Variants in GSPT1 observed in about 807,000 individuals in gnomAD.
GSPT1 encodes eukaryotic peptide chain release factor GTP-binding subunit ERF3A.
In GSPT1, 20 loss-of-function variants were observed where a neutral mutation model predicts 72.5. The ratio of observed to expected loss-of-function variants is 0.28; its 90% confidence interval spans 0.19 to 0.40. The LOEUF (loss-of-function observed/expected upper bound fraction) is 0.40. Among genes scored for constraint, GSPT1 ranks in the 10% least tolerant of loss-of-function variants. The pLI is 1.00. For synonymous variants in GSPT1, 334 were observed against 293.5 expected, an observed-to-expected ratio of 1.14 and a Z score of -1.41; for missense variants, 580 against 811.9, an observed-to-expected ratio of 0.71 and a Z score of 3.47.
chr16:11,914,921 T>C (rs2054610663), intron 1 of GSPT1: 8 of 910,992 alleles, frequency 8.8e-6, no homozygotes, highest in Non-Finnish European at 1.2e-5. Flanking sequence ...CTCTCTCGGC[T>C]GGGCCTAAGG....
chr16:11,886,521 T>A lies in GSPT1; in HGVS notation c.1203A>T (p.Gly401=), dbSNP rs767089326. 1 of 1,612,788 alleles carries A rather than the reference T, an allele frequency of 6.2e-7. No homozygotes were observed. The highest frequency in any genetic ancestry group is 1.1e-5 in the South Asian group (1 of 91,048). Reference sequence around the variant, plus strand: ...GCTCTTTGAGATTTGCTCCAGTAAGTCCTGAGCAGGGCATAAAGTGAATGT... The same window carrying A: ...GCTCTTTGAGATTTGCTCCAGTAAGACCTGAGCAGGGCATAAAGTGAATGT... ...KKDIHFMPCS[G]LTGANLKEQS... is the part of the protein sequence containing the mutation. The change falls in exon 9 of 15, where the codon GGA becomes GGT. Residue 401 remains glycine (G), a synonymous_variant. Transcript: ENST00000434724.
At chr16:11,879,375 CAGA>C in intron 11 of GSPT1, among the ~76,000 whole-genome samples, 1 of 151,472 alleles carries the variant, frequency 6.6e-6, no homozygotes, top group East Asian at 1.9e-4. Context: ...GCCTGGGCCA[CAGA>C]AGGAGACTCC....
intron 5 of GSPT1, among the ~76,000 whole-genome samples, chr16:11,893,791 G>A (rs1297721725): frequency 6.6e-6 from 1 of 151,982 alleles, no homozygotes; most frequent in Non-Finnish European, 1.5e-5. Flanking sequence ...CCTGGGGAAG[G>A]ACCCCTGTTT....
At chr16:11,892,971 G>A (rs1362955402) in intron 5 of GSPT1, among the ~76,000 whole-genome samples, 1 of 151,970 alleles carries the variant, frequency 6.6e-6, no homozygotes, top group Non-Finnish European at 1.5e-5. Context: ...AATGACTATG[G>A]TTATAAGATG....
At position 11,886,629 on chromosome 16, in the gene GSPT1, C is replaced by A. The variant is rs371347674; in HGVS notation, c.1113-18G>T. 960 of 1,595,772 alleles carry A rather than the reference C, an allele frequency of 6.0e-4. 2 individuals carry two copies. Among genetic ancestry groups the A allele is most frequent in the Non-Finnish European group, 7.6e-4 (879 of 1,163,908 alleles). ...CTTCATATCTGCAATTATAATGTAA[C>A]CAAAATAACTCAATTATAATGTAAA... On this transcript the variant is annotated intron_variant, in intron 8 of 14. Transcript: ENST00000434724.
intron 1 of GSPT1, among the ~76,000 whole-genome samples, chr16:11,907,422 G>A (rs781642127): frequency 9.2e-5 from 14 of 152,188 alleles, no homozygotes; most frequent in Non-Finnish European, 1.9e-4. Flanking sequence ...CTAACCTCAA[G>A]AGAATGTTGT....
In GSPT1 at chr16:11,868,796, C is replaced by T. The variant is rs181119000; in HGVS notation, c.*4323G>A. 2.6e-5 allele frequency: 4 copies of T among 152,308 alleles called. No homozygotes were observed. In the East Asian group the frequency reaches 7.7e-4, roughly 29 times the overall value. The allele number at this position is 152,308 out of a possible 1,614,324, so 9.4% of individuals were successfully genotyped here. A position where few individuals can be genotyped will look rare whatever the true frequency, so the allele number is the denominator to read the frequency against. On this transcript the variant is annotated 3_prime_UTR_variant, in exon 15 of 15. Coordinates refer to ENST00000434724, the MANE Select transcript of GSPT1 (RefSeq NM_002094.4). The stretch of plus-strand genomic sequence containing the variant: ...CACATCGTTTTAAAGGGCACAGTGG[C>T]AAATGTGACAAGGCAGAAAACAATA...
At chr16:11,915,123 G>A (rs2054614742) in intron 1 of GSPT1, 2 of 1,119,578 alleles carry the variant, frequency 1.8e-6, no homozygotes, top group Non-Finnish European at 2.2e-6. Context: ...GGGGCGCGGA[G>A]GGGCGGCACT....
In GSPT1 at chr16:11,877,997, C is replaced by T. The variant is rs1250209161; in HGVS notation, c.1429-417G>A. Among the ~76,000 whole-genome samples, 1 of 152,178 alleles carries T rather than the reference C, an allele frequency of 6.6e-6. No individual in the cohort carries two copies. On this transcript the variant is annotated intron_variant, in intron 11 of 14. Coordinates refer to ENST00000434724, the MANE Select transcript of GSPT1 (RefSeq NM_002094.4). This position sits in a 1 kb window ranked among gnomAD's most constrained non-coding sequence, Gnocchi z 4.0. ...AATCTCCAAATATCGGAATTATGCACTACTTAAAAATTATTGAACTAAGCT... is the reference window on the plus strand; with the variant it reads ...AATCTCCAAATATCGGAATTATGCATTACTTAAAAATTATTGAACTAAGCT...
intron 11 of GSPT1, chr16:11,880,967 C>G (rs1164722940): frequency 6.6e-6 from 1 of 152,498 alleles, no homozygotes; most frequent in African/African-American, 2.4e-5. Context: ...GGCGTGATCT[C>G]AGCTCACTGC....
intron 6 of GSPT1, among the ~76,000 whole-genome samples, chr16:11,889,124 C>A (rs1182385190): frequency 1.3e-5 from 2 of 151,800 alleles, no homozygotes; most frequent in Non-Finnish European, 2.9e-5. Flanking sequence ...GTAGCTAACA[C>A]GGTGAAACCC....
intron 7 of GSPT1, 84 bp from the exon 8 acceptor site, chr16:11,887,015 T>G: frequency 5.3e-6 from 4 of 761,716 alleles, no homozygotes; most frequent in South Asian, 2.0e-5. Context: ...TTCAGTTATA[T>G]CACGAGTTTT....
At chr16:11,881,160 A>T (rs2054117459) in intron 11 of GSPT1, 1 of 152,338 alleles carries the variant, frequency 6.6e-6, no homozygotes, top group Admixed American at 6.5e-5. Flanking sequence ...GGCCTCCCAA[A>T]GTGCTGGGAT....
rs1410330210 is a variant in GSPT1 at position 11,894,971 on chromosome 16, G to A, written c.681C>T (p.Thr227=). 17 of 1,588,846 alleles carry A rather than the reference G, an allele frequency of 1.1e-5. No homozygotes were observed. Among genetic ancestry groups the A allele is most frequent in the Non-Finnish European group, 1.4e-5 (16 of 1,163,190 alleles). The change falls in exon 5 of 15, where the codon ACC becomes ACT. Residue 227 remains threonine, a synonymous_variant. Coordinates refer to ENST00000434724, the MANE Select transcript of GSPT1 (RefSeq NM_002094.4). ...AGACTTACATTATTTGTCCTCCAAT[G>A]GTTGACTTGCCAGCATCTAAAAGTA... ...FIGHVDAGKS[T]IGGQIMYLTG... is the part of the protein sequence containing the mutation.
intron 1 of GSPT1, chr16:11,908,059 T>G (rs1254619888): frequency 6.6e-6 from 1 of 151,584 alleles, no homozygotes; most frequent in African/African-American, 2.4e-5. Flanking sequence ...CTGGCCAGCA[T>G]GGCAAAGCCC....
rs1457141924 is a variant in GSPT1, at chr16:11,915,685, G to A, written c.36C>T (p.Gly12=). 3 of 1,420,050 alleles carry A rather than the reference G, an allele frequency of 2.1e-6. No individual in the cohort carries two copies. The highest frequency in any genetic ancestry group is 1.5e-5 in the African/African-American group (1 of 66,984). The allele number at this position is 1,420,050 out of a possible 1,614,324, so 88.0% of individuals were successfully genotyped here. The change falls in exon 1 of 15, where the codon GGC becomes GGT. Residue 12 remains glycine, a synonymous_variant. Transcript: ENST00000434724. Reference sequence around the variant, plus strand: ...TGCCGCTGCTGCTCCCGCCGCCGCCGCCGCCGCCGCCGCCGCCGCCACTGC... The same window carrying A: ...TGCCGCTGCTGCTCCCGCCGCCGCCACCGCCGCCGCCGCCGCCGCCACTGC... ...DPGSGGGGGG[G]GGGGSSSGSS...
chr16:11,912,812 A>C (rs2054577307), intron 1 of GSPT1, among the ~76,000 whole-genome samples: 1 of 152,224 alleles, frequency 6.6e-6, no homozygotes, highest in Admixed American at 6.5e-5. Flanking sequence ...TGGCCAATTT[A>C]CTTGGCTCTA....
intron 1 of GSPT1, among the ~76,000 whole-genome samples, chr16:11,907,967 C>T (rs543640055): frequency 1.3e-5 from 2 of 152,274 alleles, no homozygotes; most frequent in East Asian, 1.9e-4. Context: ...TGAGGCCAGG[C>T]GCGGTGGCTC....
Position 11,887,764 on chromosome 16 carries a change from T to C in GSPT1, c.777-14A>G. 6.4e-7 allele frequency: 1 copy of C among 1,556,534 alleles called. No homozygotes were observed. Among genetic ancestry groups the C allele is most frequent in the Non-Finnish European group, 8.8e-7 (1 of 1,140,974 alleles). On this transcript the variant is annotated splice_polypyrimidine_tract_variant and intron_variant, in intron 6 of 14. Coordinates refer to ENST00000434724, the MANE Select transcript of GSPT1 (RefSeq NM_002094.4). The stretch of plus-strand genomic sequence containing the variant: ...CAAGACAAGTACCTGAAATAATTTT[T>C]AAAAAAAGAACAATATTCCTAAGAA...
Sources: gnomAD v4.1 joint callset for allele counts (sites outside exome capture counted in the v4.1 genomes callset) on GRCh38, gnomAD v4.1.1 for gene constraint, Gnocchi (gnomAD v3.1) non-coding constraint, MANE v1.5 for transcripts, NCBI Gene and HGNC (gene_info 2026-07-23, HGNC 2026-07-21) for gene names.